SLC12A3: variants seen among roughly 807,000 people sequenced by gnomAD.
SLC12A3 encodes Na-Cl cotransporter.
Under a neutral mutation model 121.0 loss-of-function variants are expected in SLC12A3, and 104 were observed. That is an observed-to-expected ratio of 0.86 (90% CI 0.73 to 1.01). The LOEUF is 1.01. Among genes scored for constraint, SLC12A3 ranks in the 50% least tolerant of loss-of-function variants. SLC12A3 has a pLI of 0.00. For synonymous variants in SLC12A3, 536 were observed against 533.4 expected (o/e 1.00, Z -0.07); for missense variants, 1,328 against 1,356.3 (o/e 0.98, Z 0.33).
At chr16:56,891,320 C>T (rs560871189) in intron 19 of SLC12A3, among the ~76,000 whole-genome samples, 14 of 140,848 alleles carry the variant, frequency 9.9e-5, no homozygotes, top group African/African-American at 1.9e-4. Context: ...TGCAGTGAGC[C>T]GTGATTGCAC....
At chr16:56,908,161 C>CTTTTTTTTTTTTGTTTTTTTTTTT (rs2055633028) in intron 25 of SLC12A3, among the ~76,000 whole-genome samples, 1 of 96,994 alleles carries the variant, frequency 1.0e-5, no homozygotes, top group Non-Finnish European at 1.9e-5. Flanking sequence ...AGTGATATAA[C>CTTTTTTTTTTTTGTTTTTTTTTTT]TTTTTTTTTT....
In SLC12A3 at chr16:56,884,153, G is replaced by A. The variant is rs149644636; in HGVS notation, c.1774G>A (p.Ala592Thr). The A allele has an allele frequency of 3.4e-5, 55 of 1,614,046 alleles. No individual in the cohort carries two copies. The highest frequency in any genetic ancestry group is 1.1e-4 in the African/African-American group (8 of 74,916). The change falls in exon 14 of 26, where the codon GCC becomes ACC. Residue 592 changes from alanine to threonine, a missense_variant. Coordinates refer to ENST00000563236, the MANE Select transcript of SLC12A3 (RefSeq NM_001126108.2). The stretch of plus-strand genomic sequence containing the variant: ...CCTCACCTGGTGGGCGGCCCTCATC[G>A]CCATTGGCGTGGTGCTCTTCCTCCT... Reference protein sequence around the residue: ...FLLTWWAALIAIGVVLFLLLY... With the variant: ...FLLTWWAALITIGVVLFLLLY...
At chr16:56,901,502 G>A (rs1192000023) in intron 23 of SLC12A3, among the ~76,000 whole-genome samples, 1 of 152,112 alleles carries the variant, frequency 6.6e-6, no homozygotes, top group African/African-American at 2.4e-5. Context: ...ACCACACCCA[G>A]CTAATTTTTG....
intron 4 of SLC12A3, 27 bp downstream of exon 4, chr16:56,869,851 C>T (rs2055067024): frequency 6.3e-7 from 1 of 1,592,310 alleles, no homozygotes; most frequent in Non-Finnish European, 8.6e-7. Context: ...TCCACCAAGG[C>T]CCTCCTCTCG....
Position 56,870,218 on chromosome 16 carries a change from GTGCGGGACC to G in SLC12A3, c.728_736del (p.Arg243_Leu245del). 1 of 1,613,592 alleles carries G rather than the reference GTGCGGGACC, an allele frequency of 6.2e-7. No homozygotes were observed. Among genetic ancestry groups the G allele is most frequent in the African/African-American group, 1.3e-5 (1 of 75,062 alleles). On this transcript the variant is annotated inframe_deletion, in exon 5 of 26. Transcript: ENST00000563236. ...GCACACGGTGGGCTTTGCAGAGACC[GTGCGGGACC>G]TGCTCCAGGTGAGGCCGGGGGGCTG...
intron 21 of SLC12A3, among the ~76,000 whole-genome samples, chr16:56,894,081 GCA>G (rs1392702487): frequency 8.6e-5 from 13 of 151,246 alleles, no homozygotes; most frequent in Middle Eastern, 3.4e-3. Context: ...TCGGCTCACT[GCA>G]ACCTCTGCCT....
At position 56,892,946 on chromosome 16, in the gene SLC12A3, CCTGCAG is replaced by C; in HGVS notation, c.2420-6_2420-1del. On this transcript the variant is annotated splice_acceptor_variant and splice_polypyrimidine_tract_variant and intron_variant, in intron 20 of 25. Transcript: ENST00000563236. LOFTEE classifies it high-confidence loss of function. Reference sequence around the variant, plus strand: ...GCTCTGCTCTGACCCGCCCCCACCTCCTGCAGTGGACCCCAAGGCCCTGGTGAAGGA... The same window carrying C: ...GCTCTGCTCTGACCCGCCCCCACCTCTGGACCCCAAGGCCCTGGTGAAGGA... The C allele has an allele frequency of 6.2e-7, 1 of 1,613,456 alleles. No homozygotes were observed. The highest frequency in any genetic ancestry group is 1.3e-5 in the African/African-American group (1 of 75,066).
chr16:56,890,573 G>T (rs2055375988), intron 19 of SLC12A3, among the ~76,000 whole-genome samples: 2 of 152,178 alleles, frequency 1.3e-5, no homozygotes, highest in South Asian at 2.1e-4. Context: ...GGAACTCAGG[G>T]TTCCCCAAAT....
At chr16:56,886,320 G>A in intron 15 of SLC12A3, 44 bp from the exon 16 acceptor site, 1 of 1,464,630 alleles carries the variant, frequency 6.8e-7, no homozygotes, top group East Asian at 2.3e-5. Flanking sequence ...GACCCCCGTG[G>A]GCTCTCTCCT....
rs760668145 is a variant in SLC12A3, at chr16:56,865,345, A to G, written c.110A>G (p.Tyr37Cys). The G allele has an allele frequency of 7.4e-6, 12 of 1,614,098 alleles. No homozygotes were observed. The highest frequency in any genetic ancestry group is 2.2e-5 in the East Asian group (1 of 44,876). ...SSDEPSPPAA[Y>C]DSSHPSHLTH... The stretch of plus-strand genomic sequence containing the variant: ...GATGAGCCCTCTCCACCAGCTGCCT[A>G]TGACAGCAGCCACCCCAGCCACCTG... The change falls in exon 1 of 26, where the codon TAT becomes TGT. Residue 37 changes from tyrosine to cysteine, a missense_variant. By Grantham distance (194) the Tyr-to-Cys change is radical. Coordinates refer to ENST00000563236, the MANE Select transcript of SLC12A3 (RefSeq NM_001126108.2).
At chr16:56,873,687 C>T (rs1367470539) in intron 8 of SLC12A3, among the ~76,000 whole-genome samples, 1 of 146,020 alleles carries the variant, frequency 6.8e-6, no homozygotes, top group Non-Finnish European at 1.5e-5. Context: ...CATGCCTAGC[C>T]TCTTTTATTT....
At chr16:56,867,440 AAC>A (rs1473732513) in intron 2 of SLC12A3, among the ~76,000 whole-genome samples, 4 of 152,216 alleles carry the variant, frequency 2.6e-5, no homozygotes, top group African/African-American at 4.8e-5. Context: ...GGCTGCACTA[AAC>A]ACACAAATCC....
intron 13 of SLC12A3, 124 bp from the exon 14 acceptor site, chr16:56,883,925 G>A (rs1293529460): frequency 7.7e-5 from 78 of 1,018,740 alleles, no homozygotes; most frequent in Non-Finnish European, 6.6e-5. Context: ...CATGGCTGGT[G>A]GGTACAGGCT....
At position 56,869,700 on chromosome 16, in the gene SLC12A3, C is replaced by G. The variant is rs773172166; in HGVS notation, c.506-29C>G. ...CTGGGGCTCCTCCCTTGGGAAATGC[C>G]CTGCCTAAGCTTTGGGTGCCCCCTG... On this transcript the variant is annotated intron_variant, in intron 3 of 25. Coordinates refer to ENST00000563236, the MANE Select transcript of SLC12A3 (RefSeq NM_001126108.2). 13 of 1,599,494 alleles carry G rather than the reference C, an allele frequency of 8.1e-6. No homozygotes were observed. The South Asian group carries it at 1.4e-4, about 18-fold the overall frequency.
chr16:56,910,648 CTA>C (rs1362042111), intron 25 of SLC12A3, among the ~76,000 whole-genome samples: 5 of 152,122 alleles, frequency 3.3e-5, no homozygotes, highest in African/African-American at 4.8e-5. Context: ...CCTCAAAACT[CTA>C]TTATAATCAC....
At position 56,867,068 on chromosome 16, in the gene SLC12A3, A is replaced by C. The variant is rs377456965; in HGVS notation, c.283-2A>C. The C allele has an allele frequency of 8.7e-6, 14 of 1,612,134 alleles. No homozygotes were observed. Among genetic ancestry groups the C allele is most frequent in the African/African-American group, 1.3e-5 (1 of 74,936 alleles). ...CCTGACTTGTGGTCTCTGGGCTGCC[A>C]GCAGGAAGGCAGACACCTGCATGCC... On this transcript the variant is annotated splice_acceptor_variant, in intron 1 of 25. Coordinates refer to ENST00000563236, the MANE Select transcript of SLC12A3 (RefSeq NM_001126108.2). LOFTEE classifies it high-confidence loss of function.
At position 56,880,251 on chromosome 16, in the gene SLC12A3, T is replaced by A. The variant is rs1254584108; in HGVS notation, c.1565T>A (p.Ile522Asn). Residue 522 changes from isoleucine (I) to asparagine (N), a missense_variant and splice_region_variant, in exon 12 of 26, where the codon ATC (isoleucine) becomes AAC (asparagine). Transcript: ENST00000563236. ...AYAIAVAFII[I>N]AELNTIAPII... is the part of the protein sequence containing the mutation. Reference sequence around the variant, plus strand: ...GCCATCGCTGTGGCCTTCATCATCATCGGTAAGGCTCTGCCAGGGCTCACA... The same window carrying A: ...GCCATCGCTGTGGCCTTCATCATCAACGGTAAGGCTCTGCCAGGGCTCACA... 7 of 1,577,924 alleles carry A rather than the reference T, an allele frequency of 4.4e-6. No homozygotes were observed. Among genetic ancestry groups the A allele is most frequent in the African/African-American group, 1.3e-5 (1 of 74,346 alleles).
rs2144719508 is a variant in SLC12A3, at chr16:56,882,448, T to A, written c.1620T>A (p.Tyr540Ter). ...TTTCCAACTTCTTCCTCTGCTCCTA[T>A]GCCCTCATCAACTTCAGCTGCTTCC... ...PIISNFFLCS[Y>*]ALINFSCFHA... The change falls in exon 13 of 26, where the codon TAT becomes TAA. Residue 540 changes from tyrosine to a stop codon, truncating the protein, a stop_gained. Transcript: ENST00000563236. LOFTEE classifies it high-confidence loss of function. The A allele has an allele frequency of 6.2e-7, 1 of 1,614,146 alleles. No homozygotes were observed. The highest frequency in any genetic ancestry group is 8.5e-7 in the Non-Finnish European group (1 of 1,180,026).
intron 21 of SLC12A3, among the ~76,000 whole-genome samples, chr16:56,894,302 G>A (rs2055432858): frequency 6.6e-6 from 1 of 152,160 alleles, no homozygotes; most frequent in Non-Finnish European, 1.5e-5. Flanking sequence ...ATGGCGCCCG[G>A]CCGCCAGCTT....
Sources: gnomAD v4.1 joint callset for allele counts (sites outside exome capture counted in the v4.1 genomes callset) on GRCh38, gnomAD v4.1.1 for gene constraint, MANE v1.5 for transcripts, NCBI Gene and HGNC (gene_info 2026-07-23, HGNC 2026-07-21) for gene names.